The following PPP3CC variants were observed in gnomAD, a reference collection of about 807,000 sequenced individuals.
PPP3CC encodes protein phosphatase 3 catalytic subunit gamma, also known as serine/threonine-protein phosphatase 2B catalytic subunit gamma isoform.
In PPP3CC, 35 loss-of-function variants were observed where a neutral mutation model predicts 60.3. The observed-to-expected ratio is 0.58, with a 90% CI of 0.44 to 0.77. PPP3CC has a LOEUF of 0.77. PPP3CC is among the 30% of genes least tolerant of loss of function. The pLI, the probability that PPP3CC is intolerant of heterozygous loss-of-function variation, is 0.00. For missense variants in PPP3CC, 570 were observed against 628.9 expected, an observed-to-expected ratio of 0.91 and a Z score of 1.00; for synonymous variants, 206 against 224.3, an observed-to-expected ratio of 0.92 and a Z score of 0.73.
At chr8:22,482,947 A>G (rs1021912477) in intron 3 of PPP3CC, among the ~76,000 whole-genome samples, 19 of 152,218 alleles carry the variant, frequency 1.2e-4, no homozygotes, top group African/African-American at 3.9e-4. Context: ...CAGATGAAAA[A>G]GTTGGAGAGA....
intron 3 of PPP3CC, among the ~76,000 whole-genome samples, chr8:22,480,534 A>C (rs1311940176): frequency 6.6e-6 from 1 of 152,206 alleles, no homozygotes; most frequent in Admixed American, 6.5e-5. Context: ...GCTGGAGTGC[A>C]GTGGTGCAAT....
intron 1 of PPP3CC, among the ~76,000 whole-genome samples, chr8:22,466,424 A>C (rs1837524040): frequency 6.6e-6 from 1 of 152,194 alleles, no homozygotes; most frequent in Non-Finnish European, 1.5e-5. Flanking sequence ...TGTCTTCCAC[A>C]GTGGTTGAAC....
intron 3 of PPP3CC, among the ~76,000 whole-genome samples, chr8:22,487,069 A>G (rs1450635775): frequency 6.6e-6 from 1 of 152,148 alleles, no homozygotes; most frequent in Admixed American, 6.5e-5. Flanking sequence ...TATCTTACAC[A>G]ACAGCAAATT....
At chr8:22,536,558 A>G (rs2117158885) in intron 12 of PPP3CC, among the ~76,000 whole-genome samples, 1 of 152,368 alleles carries the variant, frequency 6.6e-6, no homozygotes. Context: ...TATGAGTTGA[A>G]TATGAGTGTT....
At chr8:22,451,216 A>C (rs1009483855) in intron 1 of PPP3CC, among the ~76,000 whole-genome samples, 8 of 149,982 alleles carry the variant, frequency 5.3e-5, no homozygotes, top group African/African-American at 2.0e-4. Flanking sequence ...GCTCACTGCA[A>C]CCTCCGCCTC....
intron 6 of PPP3CC, among the ~76,000 whole-genome samples, chr8:22,517,531 T>C (rs1839285790): frequency 6.6e-6 from 1 of 152,212 alleles, no homozygotes; most frequent in Non-Finnish European, 1.5e-5. Context: ...ACTGATTCCA[T>C]CTCCATATTT....
intron 12 of PPP3CC, among the ~76,000 whole-genome samples, chr8:22,535,524 A>T (rs1839824877): frequency 6.6e-6 from 1 of 151,484 alleles, no homozygotes; most frequent in African/African-American, 2.4e-5. Flanking sequence ...CCCAAGAGAC[A>T]GAGTTGCCCA....
intron 1 of PPP3CC, among the ~76,000 whole-genome samples, chr8:22,468,525 G>A (rs1837616889): frequency 6.6e-6 from 1 of 152,074 alleles, no homozygotes; most frequent in South Asian, 2.1e-4. Flanking sequence ...ATTTAGGAAA[G>A]AAGATTCATG....
chr8:22,529,222 C>A (rs1839639276), intron 10 of PPP3CC, among the ~76,000 whole-genome samples: 1 of 152,172 alleles, frequency 6.6e-6, no homozygotes, highest in Non-Finnish European at 1.5e-5. Context: ...AATTGAATAT[C>A]TGTGTCAATT....
At chr8:22,451,453 C>T (rs1837023245) in intron 1 of PPP3CC, among the ~76,000 whole-genome samples, 2 of 152,188 alleles carry the variant, frequency 1.3e-5, no homozygotes, top group Non-Finnish European at 1.5e-5. Context: ...TCCTTTAATA[C>T]TACAGGTTGA....
chr8:22,498,229 T>A, intron 4 of PPP3CC, 117 bp downstream of exon 4: 1 of 555,022 alleles, frequency 1.8e-6, no homozygotes, highest in Non-Finnish European at 3.0e-6. Flanking sequence ...CCTGTTGTTA[T>A]TTTTTTCACC....
At chr8:22,492,670 G>C in intron 3 of PPP3CC, 1 of 737,808 alleles carries the variant, frequency 1.4e-6, no homozygotes, top group East Asian at 2.7e-5. Context: ...AGGCACAAGT[G>C]CGCATTGGTG....
rs1346495084 is a variant in PPP3CC at position 22,513,330 on chromosome 8, T to C, written c.668T>C (p.Val223Ala). ...RFTEPPAFGP[V>A]CDLLWSDPSE... ...ACGGAACCTCCCGCCTTTGGACCTG[T>C]GTGTGACCTGCTTTGGTCTGATCCC... is the stretch of plus-strand genomic sequence containing the variant. The change falls in exon 6 of 14, where the codon GTG (valine) becomes GCG (alanine). Residue 223 changes from valine (V) to alanine (A), a missense_variant. Transcript: ENST00000240139. 3 of 1,613,684 alleles carry C rather than the reference T, an allele frequency of 1.9e-6. No homozygotes were observed. Among genetic ancestry groups the C allele is most frequent in the Non-Finnish European group, 2.5e-6 (3 of 1,179,858 alleles).
intron 1 of PPP3CC, among the ~76,000 whole-genome samples, chr8:22,467,823 C>T (rs1265085607): frequency 6.6e-6 from 1 of 152,196 alleles, no homozygotes; most frequent in East Asian, 1.9e-4. Flanking sequence ...GTCCAAGAGT[C>T]AGCTTGCCAG....
At chr8:22,512,663 T>C (rs1042524105) in intron 5 of PPP3CC, among the ~76,000 whole-genome samples, 1 of 152,238 alleles carries the variant, frequency 6.6e-6, no homozygotes, top group African/African-American at 2.4e-5. Flanking sequence ...ATAGTCTTTC[T>C]AAAATAGTAT....
chr8:22,451,918 T>C (rs1344417056), intron 1 of PPP3CC, among the ~76,000 whole-genome samples: 2 of 152,176 alleles, frequency 1.3e-5, no homozygotes, highest in Non-Finnish European at 2.9e-5. Context: ...CAATCTGAAA[T>C]TGAAATGCTT....
chr8:22,532,969 C>T lies in PPP3CC; in HGVS notation c.1272C>T (p.Gly424=), dbSNP rs1563791704. Residue 424 remains glycine, a synonymous_variant, in exon 12 of 14, where the codon GGC becomes GGT. Transcript: ENST00000240139. ...CTCTCAAGGGCCTGACTCCCACAGG[C>T]ACACTCCCTCTGGGCGTCCTCTCAG... ...VLTLKGLTPT[G]TLPLGVLSGG... is the part of the protein sequence containing the mutation. 3.1e-6 allele frequency: 5 copies of T among 1,606,214 alleles called. No individual in the cohort carries two copies. The highest frequency in any genetic ancestry group is 4.3e-6 in the Non-Finnish European group (5 of 1,175,964).
intron 10 of PPP3CC, chr8:22,531,311 T>G: frequency 6.5e-7 from 1 of 1,532,162 alleles, no homozygotes; most frequent in Non-Finnish European, 8.7e-7. Context: ...GATCACTACA[T>G]TCCAAGCTAT....
At chr8:22,536,170 A>G (rs1839840999) in intron 12 of PPP3CC, among the ~76,000 whole-genome samples, 1 of 152,208 alleles carries the variant, frequency 6.6e-6, no homozygotes, top group African/African-American at 2.4e-5. Context: ...CTTTAGTTTC[A>G]CAGAAAGTAT....
Sources: gnomAD v4.1 joint callset for allele counts (sites outside exome capture counted in the v4.1 genomes callset) on GRCh38, gnomAD v4.1.1 for gene constraint, MANE v1.5 for transcripts, NCBI Gene and HGNC (gene_info 2026-07-23, HGNC 2026-07-21) for gene names.